The following TAFA1 variants were observed in gnomAD, a reference collection of about 807,000 sequenced individuals.
TAFA1 encodes the protein chemokine-like protein TAFA-1.
A neutral mutation model predicts 18.5 loss-of-function variants in TAFA1; 4 were observed. The observed-to-expected ratio is 0.22, with a 90% confidence interval of 0.11 to 0.49. The LOEUF (loss-of-function observed/expected upper bound fraction) is 0.49, where lower values mean the gene tolerates loss of function less well. Among genes scored for constraint, TAFA1 ranks in the 20% least tolerant of loss-of-function variants. TAFA1 has a pLI of 0.98. For synonymous variants in TAFA1, 56 were observed against 55.2 expected, an observed-to-expected ratio of 1.01 and a Z score of -0.06; for missense variants, 147 against 169.0, an observed-to-expected ratio of 0.87 and a Z score of 0.72.
chr3:68,299,279 C>A (rs1010968427), intron 2 of TAFA1, among the ~76,000 whole-genome samples: 4 of 152,160 alleles, frequency 2.6e-5, no homozygotes, highest in East Asian at 1.9e-4. Context: ...AGATAAACAG[C>A]CCTAGCTATG....
At chr3:68,480,424 A>G (rs1351804970) in intron 3 of TAFA1, among the ~76,000 whole-genome samples, 1 of 152,038 alleles carries the variant, frequency 6.6e-6, no homozygotes, top group Non-Finnish European at 1.5e-5. Flanking sequence ...AAAAAAGAAA[A>G]AGAAATGTAA....
intron 2 of TAFA1, among the ~76,000 whole-genome samples, chr3:68,040,073 T>A (rs964480494): frequency 6.6e-6 from 1 of 152,200 alleles, no homozygotes; most frequent in Admixed American, 6.6e-5. Context: ...CACCTTCTGA[T>A]AGGATATGGA....
intron 3 of TAFA1, among the ~76,000 whole-genome samples, chr3:68,537,669 CTT>C (rs1297687704): frequency 6.6e-6 from 1 of 152,150 alleles, no homozygotes; most frequent in Non-Finnish European, 1.5e-5. Flanking sequence ...TGAAAGAAAA[CTT>C]TGCTGGACTA....
At chr3:68,021,430 TG>T (rs1175589687) in intron 2 of TAFA1, among the ~76,000 whole-genome samples, 28 of 152,244 alleles carry the variant, frequency 1.8e-4, no homozygotes, top group Admixed American at 1.2e-3. Flanking sequence ...CTTCTTGGGA[TG>T]TTTTTTTCTT....
intron 2 of TAFA1, among the ~76,000 whole-genome samples, chr3:68,347,558 C>A (rs1310551329): frequency 2.0e-5 from 3 of 152,130 alleles, no homozygotes; most frequent in Non-Finnish European, 4.4e-5. Context: ...TCTGTTGCAA[C>A]TGTGCAACTC....
intron 2 of TAFA1, among the ~76,000 whole-genome samples, chr3:68,291,159 G>T (rs1213875310): frequency 6.6e-6 from 1 of 152,060 alleles, no homozygotes; most frequent in Non-Finnish European, 1.5e-5. Context: ...CAGCAACATG[G>T]ACTCAATATA....
At chr3:68,217,779 T>C (rs1158264454) in intron 2 of TAFA1, among the ~76,000 whole-genome samples, 1 of 151,778 alleles carries the variant, frequency 6.6e-6, no homozygotes, top group Non-Finnish European at 1.5e-5. Flanking sequence ...TTTCAAACCC[T>C]TTATATGTAT....
intron 2 of TAFA1, among the ~76,000 whole-genome samples, chr3:68,387,806 A>G (rs1049603312): frequency 2.0e-5 from 3 of 152,028 alleles, no homozygotes; most frequent in African/African-American, 7.2e-5. Flanking sequence ...TGGTGGAGGA[A>G]CTCATGGTTA....
chr3:68,135,110 GC>G (rs1559533371), intron 2 of TAFA1, among the ~76,000 whole-genome samples: 3 of 152,100 alleles, frequency 2.0e-5, no homozygotes, highest in East Asian at 1.9e-4. Flanking sequence ...AGGGGGAGAA[GC>G]AAAAAGGTCT....
intron 2 of TAFA1, among the ~76,000 whole-genome samples, chr3:68,328,265 C>T (rs2068808453): frequency 6.6e-6 from 1 of 152,138 alleles, no homozygotes; most frequent in African/African-American, 2.4e-5. Flanking sequence ...CAGTGCCTGG[C>T]TTGGGCTGTG....
intron 2 of TAFA1, among the ~76,000 whole-genome samples, chr3:68,258,318 G>A (rs1397281773): frequency 1.3e-5 from 2 of 152,112 alleles, no homozygotes; most frequent in African/African-American, 4.8e-5. Context: ...TTGGAAACCA[G>A]GGCTGACCTT....
At chr3:68,010,551 A>G (rs1704451934) in intron 2 of TAFA1, among the ~76,000 whole-genome samples, 1 of 152,202 alleles carries the variant, frequency 6.6e-6, no homozygotes, top group South Asian at 2.1e-4. Context: ...CAGAATGAGA[A>G]TATGTTAACT....
chr3:68,370,351 T>TATATAC (rs1559637470), intron 2 of TAFA1, among the ~76,000 whole-genome samples: 2 of 44,448 alleles, frequency 4.5e-5, no homozygotes, highest in African/African-American at 8.2e-5. Context: ...TATATATATA[T>TATATAC]ATACACACAC....
intron 2 of TAFA1, among the ~76,000 whole-genome samples, chr3:68,049,695 G>A (rs1056409122): frequency 7.2e-5 from 11 of 151,862 alleles, no homozygotes; most frequent in African/African-American, 2.7e-4. Context: ...CTGGAGAGAG[G>A]AAAGTTTCCC....
At chr3:68,087,531 C>T (rs2064985112) in intron 2 of TAFA1, among the ~76,000 whole-genome samples, 1 of 138,258 alleles carries the variant, frequency 7.2e-6, no homozygotes, top group Non-Finnish European at 1.6e-5. Flanking sequence ...TTCCTCCCTC[C>T]CTCCCTCCCT....
At chr3:68,048,942 T>C (rs892030414) in intron 2 of TAFA1, among the ~76,000 whole-genome samples, 52 of 152,200 alleles carry the variant, frequency 3.4e-4, no homozygotes, top group African/African-American at 1.2e-3. Flanking sequence ...GATATCTCTT[T>C]GATATACTGG....
intron 3 of TAFA1, among the ~76,000 whole-genome samples, chr3:68,520,480 T>C (rs560306160): frequency 3.7e-4 from 57 of 152,352 alleles, no homozygotes; most frequent in Admixed American, 2.0e-3. Context: ...CTAAATGCTC[T>C]CGTCTTCTTG....
chr3:68,020,808 A>G (rs1046264116), intron 2 of TAFA1, among the ~76,000 whole-genome samples: 2 of 152,152 alleles, frequency 1.3e-5, no homozygotes, highest in African/African-American at 4.8e-5. Context: ...AAGTCAATAT[A>G]AACAGGTCAA....
rs2073425732 is a variant in TAFA1, at chr3:68,544,515, G to T, written c.*12G>T. On this transcript the variant is annotated 3_prime_UTR_variant, in exon 5 of 5. Transcript: ENST00000478136. ...ACCCAAGAACCTAACAGAAGCATTT[G>T]TGGTAGTAAAGGAAAACCAACCCTC... is the stretch of plus-strand genomic sequence containing the variant. The T allele has an allele frequency of 1.2e-6, 2 of 1,612,208 alleles. No individual in the cohort carries two copies. Among genetic ancestry groups the T allele is most frequent in the Non-Finnish European group, 8.5e-7 (1 of 1,178,816 alleles).
Sources: allele counts gnomAD v4.1 joint callset (sites outside exome capture counted in the v4.1 genomes callset), GRCh38; gene constraint gnomAD v4.1.1; transcripts MANE v1.5; gene names NCBI Gene and HGNC (gene_info 2026-07-23, HGNC 2026-07-21).